The following ARHGAP18 variants were observed in gnomAD, a reference collection of about 807,000 sequenced individuals.
ARHGAP18 encodes Rho GTPase activating protein 18.
Under a neutral mutation model 86.2 loss-of-function variants are expected in ARHGAP18, and 67 were observed. The observed-to-expected ratio is 0.78, with a 90% CI of 0.64 to 0.95. The LOEUF (loss-of-function observed/expected upper bound fraction) is 0.95, where lower values mean the gene tolerates loss of function less well. Among genes scored for constraint, ARHGAP18 ranks in the 40% least tolerant of loss-of-function variants. ARHGAP18 has a pLI of 0.00. For missense variants in ARHGAP18, 691 were observed against 780.4 expected, an observed-to-expected ratio of 0.89 and a Z score of 1.37; for synonymous variants, 283 against 280.4, an observed-to-expected ratio of 1.01 and a Z score of -0.09.
At chr6:129,596,088 AC>A (rs1314986271) in intron 12 of ARHGAP18, among the ~76,000 whole-genome samples, 3 of 152,170 alleles carry the variant, frequency 2.0e-5, no homozygotes, top group Admixed American at 2.0e-4. Flanking sequence ...TATTCTCAAC[AC>A]AACAGCCTAA....
At chr6:129,620,316 C>G (rs1299216871) in intron 5 of ARHGAP18, among the ~76,000 whole-genome samples, 2 of 152,146 alleles carry the variant, frequency 1.3e-5, no homozygotes, top group Non-Finnish European at 2.9e-5. Flanking sequence ...TGCCAGTGCT[C>G]AAAAAGGTTC....
At chr6:129,702,142 A>G (rs1345083343) in intron 1 of ARHGAP18, among the ~76,000 whole-genome samples, 1 of 152,222 alleles carries the variant, frequency 6.6e-6, no homozygotes, top group Non-Finnish European at 1.5e-5. Context: ...CTCTTTCAAC[A>G]CAGAAATTCA....
rs1297229306 is a variant in ARHGAP18 at position 129,641,845 on chromosome 6, T to C, written c.287A>G (p.Gln96Arg). The C allele has an allele frequency of 6.2e-7, 1 of 1,613,918 alleles. No individual in the cohort carries two copies. Among genetic ancestry groups the C allele is most frequent in the Middle Eastern group, 1.7e-4 (1 of 6,014 alleles). ...AGGCTCTTTGACAACAACCACCTCTTGATCTTCTTGGCTGTTTTCACTAGA... is the reference window on the plus strand; with the variant it reads ...AGGCTCTTTGACAACAACCACCTCTCGATCTTCTTGGCTGTTTTCACTAGA... Reference protein sequence around the residue: ...KKSSENSQEDQEVVVVKEPDE... With the variant: ...KKSSENSQEDREVVVVKEPDE... Residue 96 changes from glutamine to arginine, a missense_variant, in exon 2 of 15, where the codon CAA becomes CGA. Physicochemically the swap from Gln to Arg is conservative, Grantham distance 43 (BLOSUM62 1). Transcript: ENST00000368149.
intron 10 of ARHGAP18, among the ~76,000 whole-genome samples, chr6:129,603,732 A>C (rs138934105): frequency 8.1e-4 from 124 of 152,304 alleles, no homozygotes; most frequent in African/African-American, 2.9e-3. Flanking sequence ...CTATTGTTCC[A>C]AGTCAAAGGT....
chr6:129,677,594 C>A (rs1389218171), intron 1 of ARHGAP18, among the ~76,000 whole-genome samples: 1 of 152,162 alleles, frequency 6.6e-6, no homozygotes, highest in Non-Finnish European at 1.5e-5. Flanking sequence ...TAGATTGTAT[C>A]TCTTGGTTAT....
At chr6:129,670,405 A>T (rs1427026304) in intron 1 of ARHGAP18, among the ~76,000 whole-genome samples, 2 of 152,222 alleles carry the variant, frequency 1.3e-5, no homozygotes, top group African/African-American at 2.4e-5. Flanking sequence ...GAAGTGGAAG[A>T]TGGAGAAATT....
chr6:129,635,744 G>T (rs1773318145), intron 3 of ARHGAP18, among the ~76,000 whole-genome samples: 1 of 152,196 alleles, frequency 6.6e-6, no homozygotes, highest in African/African-American at 2.4e-5. Flanking sequence ...GTTTGCTTGA[G>T]GCATGGGGGA....
At chr6:129,681,605 C>T (rs1279519505) in intron 1 of ARHGAP18, among the ~76,000 whole-genome samples, 1 of 152,138 alleles carries the variant, frequency 6.6e-6, no homozygotes, top group Non-Finnish European at 1.5e-5. Context: ...AAATATATTC[C>T]CATTTTATTT....
At chr6:129,654,212 G>T (rs1460308147) in intron 1 of ARHGAP18, among the ~76,000 whole-genome samples, 1 of 152,186 alleles carries the variant, frequency 6.6e-6, no homozygotes, top group African/African-American at 2.4e-5. Context: ...AAAAGGTGAG[G>T]GGAGGAGAGG....
intron 7 of ARHGAP18, among the ~76,000 whole-genome samples, chr6:129,615,548 T>A (rs994709656): frequency 6.6e-6 from 1 of 152,142 alleles, no homozygotes; most frequent in African/African-American, 2.4e-5. Flanking sequence ...TCAGAAACGG[T>A]GATATGCCTG....
intron 1 of ARHGAP18, among the ~76,000 whole-genome samples, chr6:129,651,008 A>G (rs560504965): frequency 6.6e-6 from 1 of 152,294 alleles, no homozygotes; most frequent in East Asian, 1.9e-4. Context: ...CCTTGGGGGC[A>G]AGAATCTATG....
chr6:129,690,674 A>G (rs901699140), intron 1 of ARHGAP18, among the ~76,000 whole-genome samples: 1 of 152,334 alleles, frequency 6.6e-6, no homozygotes, highest in Non-Finnish European at 1.5e-5. Context: ...TACAGCATAT[A>G]TAGATTTCTA....
intron 5 of ARHGAP18, among the ~76,000 whole-genome samples, chr6:129,625,855 T>A (rs1789436756): frequency 1.6e-5 from 1 of 62,724 alleles, no homozygotes. Flanking sequence ...TTATATATTA[T>A]ATTTATATAT....
intron 5 of ARHGAP18, among the ~76,000 whole-genome samples, chr6:129,622,043 G>A (rs13220207): frequency 1.6e-4 from 24 of 152,162 alleles, no homozygotes; most frequent in Middle Eastern, 3.4e-3. Flanking sequence ...TCAAGGAGAG[G>A]AGCCACTTCT....
intron 1 of ARHGAP18, among the ~76,000 whole-genome samples, chr6:129,650,203 C>T (rs775339270): frequency 4.0e-5 from 6 of 151,880 alleles, no homozygotes; most frequent in South Asian, 2.1e-4. Context: ...AGATCACAGG[C>T]GTGAGTCACT....
chr6:129,676,986 G>A (rs1048920637), intron 1 of ARHGAP18, among the ~76,000 whole-genome samples: 1 of 123,074 alleles, frequency 8.1e-6, no homozygotes, highest in East Asian at 2.7e-4. Flanking sequence ...CAGTAACACC[G>A]CTGAATTTTT....
At chr6:129,655,679 G>A (rs1481833789) in intron 1 of ARHGAP18, among the ~76,000 whole-genome samples, 1 of 151,972 alleles carries the variant, frequency 6.6e-6, no homozygotes, top group Non-Finnish European at 1.5e-5. Context: ...ATTTGCAAAA[G>A]CCAGTTCCGT....
chr6:129,663,264 C>G (rs567143120), intron 1 of ARHGAP18, among the ~76,000 whole-genome samples: 123 of 152,356 alleles, frequency 8.1e-4, no homozygotes, highest in African/African-American at 2.9e-3. Flanking sequence ...AGCTTCACAG[C>G]TGACTCATCT....
chr6:129,633,404 T>C lies in ARHGAP18; in HGVS notation c.616+638A>G, dbSNP rs113736309. 2.9e-5 allele frequency among the ~76,000 whole-genome samples: 4 copies of C among 140,268 alleles called. 1 individual carries two copies. The highest frequency in any genetic ancestry group is 1.1e-4 in the African/African-American group (4 of 36,894). The allele number at this position is 140,268 out of a possible 152,430, so 92.0% of individuals were successfully genotyped here. ...GAGCCAAGACGACGCCACTGCACTCTAGCCTGGGAGACAGAGCAAGACTCC... is the reference window on the plus strand; with the variant it reads ...GAGCCAAGACGACGCCACTGCACTCCAGCCTGGGAGACAGAGCAAGACTCC... On this transcript the variant is annotated intron_variant, in intron 4 of 14. Coordinates refer to ENST00000368149, the MANE Select transcript of ARHGAP18 (RefSeq NM_033515.3).
Sources: allele counts gnomAD v4.1 joint callset (sites outside exome capture counted in the v4.1 genomes callset), GRCh38; gene constraint gnomAD v4.1.1; transcripts MANE v1.5; gene names NCBI Gene and HGNC (gene_info 2026-07-23, HGNC 2026-07-21).